The following NRP2 variants were observed in gnomAD, a reference collection of about 807,000 sequenced individuals.
NRP2 encodes the protein neuropilin-2.
Under a neutral mutation model 110.4 loss-of-function variants are expected in NRP2, and 52 were observed. That is an observed-to-expected ratio of 0.47 (90% CI 0.38 to 0.59). NRP2 has a LOEUF of 0.59. NRP2 is among the 20% of genes least tolerant of loss of function. The probability of loss-of-function intolerance (pLI) is 0.00; values close to 1 mark genes in which losing one functional copy is unlikely to be tolerated. For synonymous variants in NRP2, 508 were observed against 468.9 expected (o/e 1.08, Z -1.08); for missense variants, 1,049 against 1,203.0 (o/e 0.87, Z 1.89).
In NRP2 at chr2:205,795,078, A is replaced by C; in HGVS notation, c.*20A>C. On this transcript the variant is annotated 3_prime_UTR_variant, in exon 17 of 17. Transcript: ENST00000357785. ...GCATGACGGATTGCACCTGAATCCT[A>C]TCTGACGTTTCATTCCAGCAAGAGG... is the stretch of plus-strand genomic sequence containing the variant. The C allele has an allele frequency of 2.5e-6, 4 of 1,610,484 alleles. No homozygotes were observed. The highest frequency in any genetic ancestry group is 3.4e-6 in the Non-Finnish European group (4 of 1,177,412).
Position 205,724,599 on chromosome 2 carries a change from C to T in NRP2, c.820+659C>T, listed in dbSNP as rs566253876. Among the ~76,000 whole-genome samples the T allele has an allele frequency of 4.0e-5, 6 of 149,852 alleles. No homozygotes were observed. The South Asian group carries it at 1.3e-3, about 32-fold the overall frequency. On this transcript the variant is annotated intron_variant, in intron 5 of 16. Coordinates refer to ENST00000357785, the MANE Select transcript of NRP2 (RefSeq NM_003872.3). The stretch of plus-strand genomic sequence containing the variant: ...GAGCAACATCTTCAAATCAGCTGCT[C>T]TTGGACATGTGTTTCAAATATGCTG...
chr2:205,716,706 ACT>A (rs1205750087), intron 3 of NRP2, among the ~76,000 whole-genome samples: 1 of 151,938 alleles, frequency 6.6e-6, no homozygotes, highest in Non-Finnish European at 1.5e-5. Context: ...AAAAAGCAAA[ACT>A]CTGATGACTT....
chr2:205,747,313 T>C lies in NRP2; in HGVS notation c.1786+1423T>C, dbSNP rs943597151. ...AGTCCTGCCCCTGCCATTGGCTGGC[T>C]GCATAACCTCAGAAAAGTTAGTCTC... is the stretch of plus-strand genomic sequence containing the variant. On this transcript the variant is annotated intron_variant, in intron 10 of 16. Coordinates refer to ENST00000357785, the MANE Select transcript of NRP2 (RefSeq NM_003872.3). 2.0e-5 allele frequency among the ~76,000 whole-genome samples: 3 copies of C among 152,348 alleles called. 1 individual carries two copies. The highest frequency in any genetic ancestry group is 6.8e-3 in the Middle Eastern group (2 of 294).
chr2:205,770,081 C>G (rs2057996242), intron 15 of NRP2, among the ~76,000 whole-genome samples: 1 of 152,098 alleles, frequency 6.6e-6, no homozygotes, highest in Admixed American at 6.5e-5. Flanking sequence ...GATCTGGTGC[C>G]CTACCTGTTA....
intron 15 of NRP2, among the ~76,000 whole-genome samples, chr2:205,775,511 T>A (rs2058084505): frequency 6.6e-6 from 1 of 152,198 alleles, no homozygotes; most frequent in Admixed American, 6.5e-5. Context: ...CCCACATTTT[T>A]TTTGTTGCAA....
At chr2:205,722,787 C>T in intron 4 of NRP2, 79 bp downstream of exon 4, 1 of 1,137,850 alleles carries the variant, frequency 8.8e-7, no homozygotes, top group Non-Finnish European at 1.3e-6. Context: ...AGAGGAAGAA[C>T]AAAGACTTCA....
At position 205,796,207 on chromosome 2, in the gene NRP2, G is replaced by C. The variant is rs2058350470; in HGVS notation, c.*1149G>C. 6.6e-6 allele frequency: 1 copy of C among 152,150 alleles called. No individual in the cohort carries two copies. Among genetic ancestry groups the C allele is most frequent in the African/African-American group, 2.4e-5 (1 of 41,418 alleles). 9.4% of individuals were successfully genotyped at this position (152,150 alleles called of 1,614,324 possible). ...TGAGCAGTGTAGACAGAGACCCTTT[G>C]AAATGCATTTGTCTCTCAAATAGAC... On this transcript the variant is annotated 3_prime_UTR_variant, in exon 17 of 17. Coordinates refer to ENST00000357785, the MANE Select transcript of NRP2 (RefSeq NM_003872.3).
intron 1 of NRP2, among the ~76,000 whole-genome samples, chr2:205,694,383 C>T (rs1008167151): frequency 3.3e-5 from 5 of 152,314 alleles, no homozygotes; most frequent in African/African-American, 1.2e-4. Context: ...CCTGACCTGG[C>T]TCATCCCTCA....
chr2:205,763,578 C>A lies in NRP2; in HGVS notation c.2045-96C>A. 1.3e-6 allele frequency: 2 copies of A among 1,536,590 alleles called. No homozygotes were observed. The highest frequency in any genetic ancestry group is 2.2e-5 in the East Asian group (1 of 44,482). On this transcript the variant is annotated intron_variant, in intron 12 of 16. Coordinates refer to ENST00000357785, the MANE Select transcript of NRP2 (RefSeq NM_003872.3). This position sits in a 1 kb window ranked among gnomAD's most constrained non-coding sequence, Gnocchi z 4.0. ...CATGAATAAACCAAAGACACCGAAA[C>A]TCAGTCCCAACTTTCCCTTGGAGAG...
intron 2 of NRP2, among the ~76,000 whole-genome samples, chr2:205,698,597 TG>T (rs2056487375): frequency 6.6e-6 from 1 of 152,166 alleles, no homozygotes; most frequent in African/African-American, 2.4e-5. Context: ...AAGTTAAGGT[TG>T]GGAAGCAGGC....
In NRP2 at chr2:205,792,276, G is replaced by A. The variant is rs2058309781; in HGVS notation, c.2467G>A (p.Glu823Lys). 6.2e-7 allele frequency: 1 copy of A among 1,603,018 alleles called. No individual in the cohort carries two copies. The highest frequency in any genetic ancestry group is 8.5e-7 in the Non-Finnish European group (1 of 1,169,986). The change falls in exon 16 of 17, where the codon GAA (glutamate) becomes AAA (lysine). Residue 823 changes from glutamate to lysine, a missense_variant. Coordinates refer to ENST00000357785, the MANE Select transcript of NRP2 (RefSeq NM_003872.3). The stretch of plus-strand genomic sequence containing the variant: ...ACATGAGAGAGAAGGATATGAAGAT[G>A]AAATTGATGGTGAGTACTGTTATGA... ...EIHEREGYED[E>K]IDDEYEVDWS...
intron 12 of NRP2, among the ~76,000 whole-genome samples, chr2:205,757,264 G>A (rs3755238): frequency 0.025 from 3,794 of 152,224 alleles, 131 homozygotes; most frequent in East Asian, 0.072. Flanking sequence ...GGAGTAAGTC[G>A]AGAATCTTAA....
chr2:205,719,182 C>T (rs180742199), intron 3 of NRP2, among the ~76,000 whole-genome samples: 1 of 152,202 alleles, frequency 6.6e-6, no homozygotes, highest in East Asian at 1.9e-4. Context: ...TAGTCGGATT[C>T]ATAGAGAGGA....
intron 14 of NRP2, among the ~76,000 whole-genome samples, chr2:205,766,137 G>A (rs2057913804): frequency 2.0e-5 from 3 of 152,334 alleles, no homozygotes; most frequent in South Asian, 4.1e-4. Context: ...CAGGCCAGGT[G>A]ACTGGCACGA....
intron 7 of NRP2, among the ~76,000 whole-genome samples, chr2:205,730,668 G>A (rs986305195): frequency 1.3e-5 from 2 of 152,158 alleles, no homozygotes; most frequent in Non-Finnish European, 2.9e-5. Context: ...GTGGGAACTC[G>A]ATTTCAACTC....
intron 14 of NRP2, among the ~76,000 whole-genome samples, chr2:205,766,460 A>G (rs535153913): frequency 6.6e-6 from 1 of 152,372 alleles, no homozygotes; most frequent in Admixed American, 6.5e-5. Flanking sequence ...GGCCCCAGGC[A>G]TCTAAAAGTA....
At chr2:205,696,904 T>C (rs2056440132) in intron 1 of NRP2, among the ~76,000 whole-genome samples, 1 of 152,180 alleles carries the variant, frequency 6.6e-6, no homozygotes, top group Non-Finnish European at 1.5e-5. Context: ...ATTTGTGGTA[T>C]ATATGGAATT....
At position 205,781,078 on chromosome 2, in the gene NRP2, C is replaced by T. The variant is rs376354492; in HGVS notation, c.2426-11157C>T. Among the ~76,000 whole-genome samples the T allele has an allele frequency of 9.8e-5, 15 of 152,344 alleles. No homozygotes were observed. The South Asian group carries it at 1.2e-3, about 13-fold the overall frequency. On this transcript the variant is annotated intron_variant, in intron 15 of 16. Transcript: ENST00000357785. ...CAGGCTCAGTCAACATTTCCTTGAGCTGACCTGGGACCAAACTTGCCGGAC... is the reference window on the plus strand; with the variant it reads ...CAGGCTCAGTCAACATTTCCTTGAGTTGACCTGGGACCAAACTTGCCGGAC...
chr2:205,689,613 C>G (rs1559303640), intron 1 of NRP2, among the ~76,000 whole-genome samples: 1 of 152,234 alleles, frequency 6.6e-6, no homozygotes, highest in African/African-American at 2.4e-5. Flanking sequence ...TCGCCATGCT[C>G]TTCTTCAGAG....
Sources: allele counts gnomAD v4.1 joint callset (sites outside exome capture counted in the v4.1 genomes callset), GRCh38; gene constraint gnomAD v4.1.1; non-coding constraint Gnocchi (gnomAD v3.1); transcripts MANE v1.5; gene names NCBI Gene and HGNC (gene_info 2026-07-23, HGNC 2026-07-21).